The following MAPK4 variants were observed in gnomAD, a reference collection of about 807,000 sequenced individuals.
MAPK4 encodes the protein mitogen-activated protein kinase 4.
Under a neutral mutation model 47.7 loss-of-function variants are expected in MAPK4, and 22 were observed. That is an observed-to-expected ratio of 0.46 (90% CI 0.33 to 0.66). MAPK4 has a LOEUF of 0.66. MAPK4 is among the 30% of genes least tolerant of loss of function. MAPK4 has a pLI of 0.02. For missense variants in MAPK4, 736 were observed against 831.7 expected, an observed-to-expected ratio of 0.88 and a Z score of 1.42; for synonymous variants, 390 against 365.7, an observed-to-expected ratio of 1.07 and a Z score of -0.76.
intron 1 of MAPK4, among the ~76,000 whole-genome samples, chr18:50,568,526 C>T (rs943014592): frequency 6.6e-6 from 1 of 152,170 alleles, no homozygotes; most frequent in Non-Finnish European, 1.5e-5. Flanking sequence ...CAGTCACATA[C>T]ACTTTTAATA....
chr18:50,642,746 G>A (rs2042951640), intron 1 of MAPK4, among the ~76,000 whole-genome samples: 2 of 152,132 alleles, frequency 1.3e-5, no homozygotes, highest in Non-Finnish European at 2.9e-5. Context: ...CAAAAGTAAA[G>A]GTAAACAAAT....
intron 1 of MAPK4, among the ~76,000 whole-genome samples, chr18:50,561,003 G>A (rs1236907868): frequency 2.0e-5 from 3 of 152,374 alleles, no homozygotes; most frequent in Non-Finnish European, 4.4e-5. Context: ...CGGGGTGGGC[G>A]GATGCCCCGG....
At chr18:50,569,827 C>T (rs1330386638) in intron 1 of MAPK4, among the ~76,000 whole-genome samples, 3 of 152,200 alleles carry the variant, frequency 2.0e-5, no homozygotes, top group East Asian at 1.9e-4. Flanking sequence ...TCCATGAGGC[C>T]GTCAATACGC....
Position 50,654,822 on chromosome 18 carries a change from C to T in MAPK4, c.-870-8267C>T, listed in dbSNP as rs527861300. Among the ~76,000 whole-genome samples the T allele has an allele frequency of 1.5e-4, 23 of 152,284 alleles. No individual in the cohort carries two copies. In the South Asian group the frequency reaches 2.3e-3, roughly 15 times the overall value. ...CTTTGCTGATGTGGTGCTGGAGTTC[C>T]GACGAGGCAGCCGGAATTTCTCTCC... is the stretch of plus-strand genomic sequence containing the variant. On this transcript the variant is annotated intron_variant, in intron 1 of 5. Transcript: ENST00000400384.
intron 2 of MAPK4, among the ~76,000 whole-genome samples, chr18:50,708,429 T>C (rs150241593): frequency 1.9e-3 from 289 of 152,324 alleles, no homozygotes; most frequent in African/African-American, 6.8e-3. Flanking sequence ...CATAATTTCT[T>C]AGGGCAGGCC....
chr18:50,611,706 AAGAT>A (rs2042636696), intron 1 of MAPK4, among the ~76,000 whole-genome samples: 1 of 152,224 alleles, frequency 6.6e-6, no homozygotes. Flanking sequence ...TTTGCAGAGA[AAGAT>A]AAAATGGCCC....
At chr18:50,703,188 C>A (rs1300749343) in intron 2 of MAPK4, among the ~76,000 whole-genome samples, 1 of 152,180 alleles carries the variant, frequency 6.6e-6, no homozygotes, top group East Asian at 1.9e-4. Context: ...CATGCTCACT[C>A]CCCTTCTCCA....
chr18:50,597,407 C>T (rs536776121), intron 1 of MAPK4, among the ~76,000 whole-genome samples: 44 of 152,202 alleles, frequency 2.9e-4, no homozygotes, highest in Non-Finnish European at 3.7e-4. Flanking sequence ...ATGACTCTGT[C>T]CTGCTCATCT....
At chr18:50,627,807 C>T (rs1019685121) in intron 1 of MAPK4, among the ~76,000 whole-genome samples, 1 of 152,132 alleles carries the variant, frequency 6.6e-6, no homozygotes, top group African/African-American at 2.4e-5. Context: ...AGGCCACATC[C>T]GAGACCTGGC....
At chr18:50,622,683 G>C (rs2042742940) in intron 1 of MAPK4, among the ~76,000 whole-genome samples, 1 of 152,244 alleles carries the variant, frequency 6.6e-6, no homozygotes, top group East Asian at 1.9e-4. Context: ...CAGGGTCCCT[G>C]ATTTGTGACT....
intron 3 of MAPK4, among the ~76,000 whole-genome samples, chr18:50,719,251 G>C (rs2144458787): frequency 6.6e-6 from 1 of 152,150 alleles, no homozygotes; most frequent in African/African-American, 2.4e-5. Flanking sequence ...TTGTGCTTTG[G>C]GTGGATCCTT....
At chr18:50,710,414 C>T (rs565313428) in intron 2 of MAPK4, among the ~76,000 whole-genome samples, 407 of 152,106 alleles carry the variant, frequency 2.7e-3, no homozygotes, top group African/African-American at 8.0e-3. Flanking sequence ...ATCCGGGAGG[C>T]GGAGGTTGCA....
intron 1 of MAPK4, among the ~76,000 whole-genome samples, chr18:50,662,125 A>C (rs1374604499): frequency 6.6e-6 from 1 of 152,228 alleles, no homozygotes; most frequent in Non-Finnish European, 1.5e-5. Flanking sequence ...GTGTCTCTAT[A>C]GGAGGCCCTG....
chr18:50,695,442 GTATGGAACAC>G (rs774717427), intron 2 of MAPK4, among the ~76,000 whole-genome samples: 1 of 150,728 alleles, frequency 6.6e-6, no homozygotes, highest in Non-Finnish European at 1.5e-5. Flanking sequence ...ACTGGGTCTT[GTATGGAACAC>G]TTTCCTTTCC....
At chr18:50,660,864 T>C (rs2043163686) in intron 1 of MAPK4, among the ~76,000 whole-genome samples, 1 of 152,188 alleles carries the variant, frequency 6.6e-6, no homozygotes, top group African/African-American at 2.4e-5. Flanking sequence ...CTTGCCACGT[T>C]GACATCGTAC....
chr18:50,616,796 C>A (rs1000196733), intron 1 of MAPK4, among the ~76,000 whole-genome samples: 1 of 152,214 alleles, frequency 6.6e-6, no homozygotes, highest in African/African-American at 2.4e-5. Flanking sequence ...TCTTTTCATT[C>A]CTGCTTTTAT....
rs773680697 is a variant in MAPK4 at position 50,729,725 on chromosome 18, C to T, written c.1635C>T (p.Arg545=). The change falls in exon 6 of 6, where the codon CGC becomes CGT. Residue 545 remains arginine (R), a synonymous_variant. Transcript: ENST00000400384. ...TCGACCTGGACGTGTTCATCTCCCG[C>T]GCCCTGAAGCTCTGCACCAAGCCCG... ...PQFDLDVFIS[R]ALKLCTKPED... 125 of 1,589,688 alleles carry T rather than the reference C, an allele frequency of 7.9e-5. 1 individual carries two copies. In the South Asian group the frequency reaches 8.2e-4, roughly 10 times the overall value.
chr18:50,676,005 A>T (rs1240431335), intron 2 of MAPK4, among the ~76,000 whole-genome samples: 1 of 152,206 alleles, frequency 6.6e-6, no homozygotes, highest in Admixed American at 6.5e-5. Context: ...CTCTGTACAC[A>T]TCACGCTGTT....
At chr18:50,673,271 C>T (rs1050270998) in intron 2 of MAPK4, among the ~76,000 whole-genome samples, 6 of 152,030 alleles carry the variant, frequency 3.9e-5, no homozygotes, top group Non-Finnish European at 4.4e-5. Context: ...AGTGAAACTC[C>T]GCCTCAAAAA....
Sources: allele counts gnomAD v4.1 joint callset (sites outside exome capture counted in the v4.1 genomes callset), GRCh38; gene constraint gnomAD v4.1.1; transcripts MANE v1.5; gene names NCBI Gene and HGNC (gene_info 2026-07-23, HGNC 2026-07-21).